Variants in EPB41L2 observed in about 807,000 individuals in gnomAD.
The protein encoded by EPB41L2 is erythrocyte membrane protein band 4.1 like 2.
In EPB41L2, 43 loss-of-function variants were observed where a neutral mutation model predicts 113.0. That is an observed-to-expected ratio of 0.38 (90% confidence interval 0.30 to 0.49). The LOEUF (loss-of-function observed/expected upper bound fraction) is 0.49. EPB41L2 is among the 20% of genes least tolerant of loss of function. The probability of loss-of-function intolerance (pLI) is 0.95; values close to 1 mark genes in which losing one functional copy is unlikely to be tolerated. For missense variants in EPB41L2, 1,147 were observed against 1,223.4 expected, an observed-to-expected ratio of 0.94 and a Z score of 0.93; for synonymous variants, 442 against 436.7, an observed-to-expected ratio of 1.01 and a Z score of -0.15.
At chr6:130,903,434 A>C (rs1207109426) in intron 6 of EPB41L2, among the ~76,000 whole-genome samples, 2 of 151,946 alleles carry the variant, frequency 1.3e-5, no homozygotes, top group African/African-American at 4.8e-5. Context: ...TATGTACCCA[A>C]TATTGGAAAG....
intron 1 of EPB41L2, among the ~76,000 whole-genome samples, chr6:130,994,404 G>A (rs1221970296): frequency 6.6e-6 from 1 of 152,142 alleles, no homozygotes; most frequent in African/African-American, 2.4e-5. Flanking sequence ...GGAGAGGGCA[G>A]GGCAGAGTGT....
At chr6:130,999,348 GA>G (rs1242432701) in intron 1 of EPB41L2, among the ~76,000 whole-genome samples, 1 of 152,158 alleles carries the variant, frequency 6.6e-6, no homozygotes, top group Non-Finnish European at 1.5e-5. Flanking sequence ...ATGTTGGGCA[GA>G]AAGAAACAAT....
intron 12 of EPB41L2, among the ~76,000 whole-genome samples, chr6:130,884,249 C>A (rs1790206696): frequency 6.6e-6 from 1 of 152,048 alleles, no homozygotes; most frequent in South Asian, 2.1e-4. Flanking sequence ...GCAGGAGAAT[C>A]ACTTGAACCT....
chr6:130,965,779 C>T (rs1001284497), intron 1 of EPB41L2, among the ~76,000 whole-genome samples: 1 of 152,084 alleles, frequency 6.6e-6, no homozygotes, highest in Admixed American at 6.5e-5. Context: ...ATCATGCACT[C>T]ATTGAGCAAG....
chr6:130,840,885 T>C (rs1775248684), intron 19 of EPB41L2, among the ~76,000 whole-genome samples: 1 of 152,166 alleles, frequency 6.6e-6, no homozygotes, highest in Non-Finnish European at 1.5e-5. Flanking sequence ...ACAATTCATA[T>C]GTAAGAATTT....
chr6:131,008,340 A>T (rs1284739211), intron 1 of EPB41L2, among the ~76,000 whole-genome samples: 3 of 152,248 alleles, frequency 2.0e-5, no homozygotes, highest in Non-Finnish European at 4.4e-5. Flanking sequence ...GGCGCGCAGA[A>T]GTTAAAAATT....
At chr6:130,974,412 G>A (rs1777649834) in intron 1 of EPB41L2, among the ~76,000 whole-genome samples, 1 of 152,132 alleles carries the variant, frequency 6.6e-6, no homozygotes, top group South Asian at 2.1e-4. Flanking sequence ...TCTTAGCTAT[G>A]GAACCCAATG....
At chr6:131,042,893 G>C (rs1794719960) in intron 1 of EPB41L2, among the ~76,000 whole-genome samples, 1 of 152,178 alleles carries the variant, frequency 6.6e-6, no homozygotes, top group Non-Finnish European at 1.5e-5. Flanking sequence ...TGTGTAATCT[G>C]TATTTGGATG....
intron 1 of EPB41L2, among the ~76,000 whole-genome samples, chr6:131,042,299 C>A (rs1186190506): frequency 2.0e-5 from 3 of 152,084 alleles, no homozygotes; most frequent in Non-Finnish European, 4.4e-5. Context: ...AAAATAAAAA[C>A]TAGCAAAAGA....
chr6:130,917,411 G>A (rs1465023442), intron 4 of EPB41L2, among the ~76,000 whole-genome samples: 8 of 152,090 alleles, frequency 5.3e-5, no homozygotes, highest in Admixed American at 5.2e-4. Flanking sequence ...CCCCATCCTT[G>A]ATAACTAATT....
rs531130164 is a variant in EPB41L2 at position 130,887,606 on chromosome 6, G to C, written c.1661-2338C>G. Among the ~76,000 whole-genome samples the C allele has an allele frequency of 3.3e-5, 5 of 152,252 alleles. No individual in the cohort carries two copies. In the East Asian group the frequency reaches 9.7e-4, roughly 29 times the overall value. ...TGCACTTGCCTTCTCTCTGTTCCAG[G>C]AATGTATCCAGCTCTCCCTCACCTT... On this transcript the variant is annotated intron_variant, in intron 11 of 19. Transcript: ENST00000337057.
chr6:130,993,593 G>C (rs1186555648), intron 1 of EPB41L2, among the ~76,000 whole-genome samples: 1 of 152,200 alleles, frequency 6.6e-6, no homozygotes, highest in African/African-American at 2.4e-5. Flanking sequence ...CTGCTAGGTA[G>C]TACCCAGACG....
At chr6:130,996,685 G>A (rs1455764797) in intron 1 of EPB41L2, among the ~76,000 whole-genome samples, 2 of 152,116 alleles carry the variant, frequency 1.3e-5, no homozygotes, top group African/African-American at 2.4e-5. Flanking sequence ...ACCCTATTTT[G>A]CAAAGGGAAA....
rs192657282 is a variant in EPB41L2, at chr6:131,026,000, G to A, written c.-15+37155C>T. Reference sequence around the variant, plus strand: ...AATACCAAACAGCCCCCAGGTCACTGAGGCTAAAGATACTATGATTGAAAT... The same window carrying A: ...AATACCAAACAGCCCCCAGGTCACTAAGGCTAAAGATACTATGATTGAAAT... On this transcript the variant is annotated intron_variant, in intron 1 of 19. Transcript: ENST00000337057. Among the ~76,000 whole-genome samples the A allele has an allele frequency of 2.2e-3, 340 of 152,306 alleles. 1 individual carries two copies. The highest frequency in any genetic ancestry group is 3.6e-3 in the Non-Finnish European group (247 of 68,034).
intron 12 of EPB41L2, chr6:130,880,488 G>C (rs920024063): frequency 4.6e-6 from 3 of 650,942 alleles, no homozygotes; most frequent in Non-Finnish European, 5.5e-6. Context: ...TTCCATCTTC[G>C]CCTGAAAAGT....
intron 19 of EPB41L2, among the ~76,000 whole-genome samples, chr6:130,850,135 G>C (rs1004597489): frequency 6.6e-6 from 1 of 152,246 alleles, no homozygotes; most frequent in Admixed American, 6.5e-5. Context: ...CTACTCGGGA[G>C]GCTGAGGTAG....
rs1164228679 is a variant in EPB41L2 at position 131,041,853 on chromosome 6, T to C, written c.-15+21302A>G. ...CTTATCTGGATTCTAACTTTAACTA[T>C]AGAAGCATTTATGAAACAACTGGAT... On this transcript the variant is annotated intron_variant, in intron 1 of 19. Transcript: ENST00000337057. Among the ~76,000 whole-genome samples, 3 of 152,208 alleles carry C rather than the reference T, an allele frequency of 2.0e-5. No homozygotes were observed. The South Asian group carries it at 6.2e-4, about 31-fold the overall frequency.
At chr6:130,932,951 C>T (rs1031369804) in intron 3 of EPB41L2, among the ~76,000 whole-genome samples, 7 of 152,262 alleles carry the variant, frequency 4.6e-5, no homozygotes, top group Non-Finnish European at 1.0e-4. Flanking sequence ...ACCAAACACA[C>T]ACTGCCAACT....
At chr6:130,872,221 A>G in intron 14 of EPB41L2, 1 of 548,814 alleles carries the variant, frequency 1.8e-6, no homozygotes, top group Non-Finnish European at 2.6e-6. Flanking sequence ...TTCATGTTCC[A>G]ATTCAGTCAT....
Sources: gnomAD v4.1 joint callset for allele counts (sites outside exome capture counted in the v4.1 genomes callset) on GRCh38, gnomAD v4.1.1 for gene constraint, MANE v1.5 for transcripts, NCBI Gene and HGNC (gene_info 2026-07-23, HGNC 2026-07-21) for gene names.